EYS: variants seen among roughly 807,000 people sequenced by gnomAD.
The protein encoded by EYS is protein eyes shut homolog.
A neutral mutation model predicts 282.1 loss-of-function variants in EYS; 250 were observed. The ratio of observed to expected loss-of-function variants is 0.89; its 90% CI spans 0.80 to 0.98. The LOEUF (loss-of-function observed/expected upper bound fraction) is 0.98, where lower values mean the gene tolerates loss of function less well. Among genes scored for constraint, EYS ranks in the 50% least tolerant of loss-of-function variants. EYS has a pLI of 0.00. For synonymous variants in EYS, 1,355 were observed against 1,282.9 expected, an observed-to-expected ratio of 1.06 and a Z score of -1.20; for missense variants, 4,016 against 3,709.0, an observed-to-expected ratio of 1.08 and a Z score of -2.15.
chr6:65,186,115 G>T (rs1179182858), intron 12 of EYS, among the ~76,000 whole-genome samples: 1 of 151,614 alleles, frequency 6.6e-6, no homozygotes, highest in Non-Finnish European at 1.5e-5. Flanking sequence ...ATCTGTCTTA[G>T]ATATTATCTA....
intron 41 of EYS, among the ~76,000 whole-genome samples, chr6:63,735,935 A>G (rs1291235748): frequency 1.3e-5 from 2 of 152,152 alleles, no homozygotes; most frequent in South Asian, 2.1e-4. Context: ...GATTCAAACC[A>G]TGTAATCTTT....
At chr6:64,288,468 C>A (rs1768578529) in intron 30 of EYS, among the ~76,000 whole-genome samples, 1 of 152,076 alleles carries the variant, frequency 6.6e-6, no homozygotes, top group African/African-American at 2.4e-5. Context: ...GTCTTCGCTG[C>A]TGCTGAGCAA....
At chr6:63,808,798 G>A (rs1188407124) in intron 36 of EYS, among the ~76,000 whole-genome samples, 2 of 152,226 alleles carry the variant, frequency 1.3e-5, no homozygotes, top group Non-Finnish European at 2.9e-5. Context: ...TTGAATTGTG[G>A]TTAGGCCTGT....
At chr6:64,714,806 G>A (rs1417542144) in intron 22 of EYS, among the ~76,000 whole-genome samples, 1 of 152,026 alleles carries the variant, frequency 6.6e-6, no homozygotes, top group African/African-American at 2.4e-5. Context: ...GATTACAGGC[G>A]TGAGCCACCA....
chr6:64,442,763 G>C (rs1485784702), intron 26 of EYS, among the ~76,000 whole-genome samples: 1 of 152,162 alleles, frequency 6.6e-6, no homozygotes, highest in African/African-American at 2.4e-5. Flanking sequence ...GCCTGCAGGT[G>C]CACAGAAGTC....
intron 2 of EYS, among the ~76,000 whole-genome samples, chr6:65,581,463 C>T (rs1285417286): frequency 2.0e-5 from 3 of 151,966 alleles, no homozygotes; most frequent in Non-Finnish European, 4.4e-5. Context: ...CTTAGTAGGC[C>T]TCAGGAATGG....
chr6:65,451,872 A>G (rs1318210923), intron 5 of EYS, among the ~76,000 whole-genome samples: 1 of 151,928 alleles, frequency 6.6e-6, no homozygotes. Context: ...TAAAAAATGT[A>G]TTCAATGGTA....
intron 31 of EYS, among the ~76,000 whole-genome samples, chr6:64,228,658 A>C (rs1034495699): frequency 1.8e-4 from 27 of 150,284 alleles, no homozygotes; most frequent in African/African-American, 6.3e-4. Context: ...AAGAAGTATA[A>C]AATGATTAAT....
chr6:65,248,658 T>C (rs188379649), intron 12 of EYS, among the ~76,000 whole-genome samples: 2 of 151,980 alleles, frequency 1.3e-5, no homozygotes, highest in Admixed American at 1.3e-4. Flanking sequence ...AAATTAGAAA[T>C]CACATTTAAC....
At chr6:64,198,697 G>A (rs909432288) in intron 31 of EYS, among the ~76,000 whole-genome samples, 4 of 152,158 alleles carry the variant, frequency 2.6e-5, no homozygotes, top group African/African-American at 9.7e-5. Flanking sequence ...TGGTGTATAT[G>A]TGCCAGATTT....
chr6:65,694,657 G>A (rs1769373580), intron 1 of EYS, among the ~76,000 whole-genome samples: 1 of 149,078 alleles, frequency 6.7e-6, no homozygotes, highest in South Asian at 2.2e-4. Flanking sequence ...AACACTGACT[G>A]GTTATTTCAC....
intron 26 of EYS, among the ~76,000 whole-genome samples, chr6:64,552,725 C>T (rs1370761529): frequency 6.6e-6 from 1 of 151,714 alleles, no homozygotes; most frequent in Non-Finnish European, 1.5e-5. Flanking sequence ...CCAGCCTGGC[C>T]AACATGGTGA....
intron 5 of EYS, among the ~76,000 whole-genome samples, chr6:65,438,865 C>A (rs532926021): frequency 6.6e-6 from 1 of 152,124 alleles, no homozygotes; most frequent in Non-Finnish European, 1.5e-5. Flanking sequence ...TTAATTAGAT[C>A]CCATTTGTCA....
chr6:64,846,239 T>A (rs1765709451), intron 19 of EYS, among the ~76,000 whole-genome samples: 1 of 152,140 alleles, frequency 6.6e-6, no homozygotes, highest in African/African-American at 2.4e-5. Flanking sequence ...AAGCCTTTCA[T>A]TAAAACATTG....
At chr6:64,228,773 C>A (rs1203371110) in intron 31 of EYS, among the ~76,000 whole-genome samples, 3 of 152,064 alleles carry the variant, frequency 2.0e-5, no homozygotes, top group Admixed American at 6.6e-5. Context: ...TACAATTAAA[C>A]CTCCGTGAAA....
At chr6:64,600,489 A>C (rs1278416777) in intron 24 of EYS, among the ~76,000 whole-genome samples, 16 of 152,118 alleles carry the variant, frequency 1.1e-4, no homozygotes, top group Non-Finnish European at 2.9e-5. Context: ...AAAACATGTA[A>C]TATTGAGATA....
chr6:63,865,073 C>T (rs1772639222), intron 35 of EYS, among the ~76,000 whole-genome samples: 1 of 152,208 alleles, frequency 6.6e-6, no homozygotes, highest in African/African-American at 2.4e-5. Context: ...CCACCATTCT[C>T]AGCCCATGTT....
intron 1 of EYS, among the ~76,000 whole-genome samples, chr6:65,700,864 G>T (rs1443361912): frequency 1.3e-5 from 2 of 152,122 alleles, no homozygotes; most frequent in African/African-American, 4.8e-5. Flanking sequence ...TGTATTTTCA[G>T]TTCCATTAAG....
At chr6:64,716,795 G>C (rs1296566495) in intron 22 of EYS, among the ~76,000 whole-genome samples, 2 of 152,062 alleles carry the variant, frequency 1.3e-5, no homozygotes, top group Non-Finnish European at 2.9e-5. Context: ...AACTCCAAAG[G>C]CTTGTATTTT....
Sources: allele counts gnomAD v4.1 joint callset (sites outside exome capture counted in the v4.1 genomes callset), GRCh38; gene constraint gnomAD v4.1.1; transcripts MANE v1.5; gene names NCBI Gene and HGNC (gene_info 2026-07-23, HGNC 2026-07-21).